Variants in ELK3 observed in about 807,000 individuals in gnomAD.
ELK3 encodes the protein ETS domain-containing protein Elk-3.
ELK3 carries 10 observed loss-of-function variants against 28.9 expected under a neutral mutation model. That is an observed-to-expected ratio of 0.35 (90% CI 0.21 to 0.59). ELK3 has a LOEUF of 0.59. Among genes scored for constraint, ELK3 ranks in the 20% least tolerant of loss-of-function variants. ELK3 has a pLI of 0.82. For synonymous variants in ELK3, 272 were observed against 243.5 expected (o/e 1.12, Z -1.09); for missense variants, 463 against 517.3 (o/e 0.90, Z 1.02).
chr12:96,217,474 GTTC>G (rs1240507264), intron 1 of ELK3, among the ~76,000 whole-genome samples: 3 of 152,216 alleles, frequency 2.0e-5, no homozygotes, highest in East Asian at 1.9e-4. Flanking sequence ...TTATTTCAAT[GTTC>G]TTCTTCTATA....
chr12:96,205,234 G>A (rs1323944460), intron 1 of ELK3, among the ~76,000 whole-genome samples: 1 of 152,186 alleles, frequency 6.6e-6, no homozygotes. Context: ...AGAAAGCATA[G>A]ATTCCTGATC....
rs574402556 is a variant in ELK3, at chr12:96,248,401, T to G, written c.1002+667T>G. 3.9e-5 allele frequency among the ~76,000 whole-genome samples: 6 copies of G among 152,382 alleles called. No individual in the cohort carries two copies. The South Asian group carries it at 1.2e-3, about 32-fold the overall frequency. ...CTTTAAATCAGATATTCAGATGCTC[T>G]TTCTTGTCCAGCTGACAATTGCAGT... On this transcript the variant is annotated intron_variant, in intron 3 of 4. Coordinates refer to ENST00000228741, the MANE Select transcript of ELK3 (RefSeq NM_005230.4).
At chr12:96,213,140 G>A in intron 1 of ELK3, among the ~76,000 whole-genome samples, 1 of 152,194 alleles carries the variant, frequency 6.6e-6, no homozygotes, top group East Asian at 1.9e-4. Flanking sequence ...TAGAAACCTT[G>A]TTGAAGGTTT....
intron 3 of ELK3, among the ~76,000 whole-genome samples, chr12:96,259,304 C>T (rs1277102676): frequency 1.3e-5 from 2 of 152,186 alleles, no homozygotes; most frequent in Non-Finnish European, 2.9e-5. Flanking sequence ...GTAATCCCAG[C>T]ACTTTGGGAG....
intron 2 of ELK3, among the ~76,000 whole-genome samples, chr12:96,224,998 A>C (rs1295062563): frequency 6.6e-6 from 1 of 152,214 alleles, no homozygotes; most frequent in Non-Finnish European, 1.5e-5. Flanking sequence ...GTGTCATTGA[A>C]ATGCTAAAGG....
At chr12:96,237,611 G>C (rs191901450) in intron 2 of ELK3, among the ~76,000 whole-genome samples, 1 of 152,214 alleles carries the variant, frequency 6.6e-6, no homozygotes, top group Non-Finnish European at 1.5e-5. Context: ...CCATAGGAGA[G>C]TGTGTATTCA....
intron 3 of ELK3, among the ~76,000 whole-genome samples, chr12:96,259,326 C>T (rs929599200): frequency 6.6e-6 from 1 of 151,972 alleles, no homozygotes; most frequent in Non-Finnish European, 1.5e-5. Context: ...CTGAGGTGGG[C>T]AGATCACTTG....
chr12:96,247,115 C>T lies in ELK3; in HGVS notation c.383C>T (p.Ala128Val), dbSNP rs1063998. ...GAGGCCCACAAACACGGCCTGGCCG[C>T]CCTCAGAAGCACGAGCCGCAACGAA... is the stretch of plus-strand genomic sequence containing the variant. ...GREAHKHGLA[A>V]LRSTSRNEYI... Residue 128 changes from alanine (A) to valine (V), a missense_variant, in exon 3 of 5, where the codon GCC becomes GTC. Ala to Val is a moderately conservative substitution (Grantham distance 64). Around this residue, in one of 2 missense-constraint regions of ELK3, gnomAD observed 408 missense variants for 414.8 expected, o/e 0.98. Coordinates refer to ENST00000228741, the MANE Select transcript of ELK3 (RefSeq NM_005230.4). This position sits in a 1 kb window ranked among gnomAD's most constrained non-coding sequence, Gnocchi z 5.5. 1 of 1,613,454 alleles carries T rather than the reference C, an allele frequency of 6.2e-7. No homozygotes were observed. The highest frequency in any genetic ancestry group is 2.2e-5 in the East Asian group (1 of 44,852).
At chr12:96,235,207 C>T (rs1249658180) in intron 2 of ELK3, among the ~76,000 whole-genome samples, 1 of 145,316 alleles carries the variant, frequency 6.9e-6, no homozygotes, top group Non-Finnish European at 1.5e-5. Context: ...CCCACAGCCG[C>T]CCCCCACCCC....
At chr12:96,232,256 T>A (rs1001095524) in intron 2 of ELK3, among the ~76,000 whole-genome samples, 22 of 152,228 alleles carry the variant, frequency 1.4e-4, no homozygotes, top group South Asian at 1.2e-3. Context: ...GGGTTGGAAC[T>A]CTGTGGTGAG....
intron 2 of ELK3, among the ~76,000 whole-genome samples, chr12:96,226,962 T>G (rs963923110): frequency 5.9e-5 from 9 of 152,224 alleles, no homozygotes; most frequent in Non-Finnish European, 1.2e-4. Context: ...GATGACCTCT[T>G]TCTTCCTTCC....
At chr12:96,219,346 G>T (rs1951646793) in intron 1 of ELK3, among the ~76,000 whole-genome samples, 1 of 152,070 alleles carries the variant, frequency 6.6e-6, no homozygotes, top group East Asian at 1.9e-4. Flanking sequence ...TACTCATATA[G>T]ATGAGTTTAC....
Position 96,223,770 on chromosome 12 carries a change from C to A in ELK3, c.204C>A (p.Asp68Glu). 6.2e-7 allele frequency: 1 copy of A among 1,614,020 alleles called. No homozygotes were observed. The highest frequency in any genetic ancestry group is 8.5e-7 in the Non-Finnish European group (1 of 1,180,014). Reference sequence around the variant, plus strand: ...GCAGAGCCCTGCGATACTATTATGACAAGGTAAACCCTTGACCTTGCATGG... The same window carrying A: ...GCAGAGCCCTGCGATACTATTATGAAAAGGTAAACCCTTGACCTTGCATGG... ...KLSRALRYYY[D>E]KNIIKKVIGQ... The change falls in exon 2 of 5, where the codon GAC becomes GAA. Residue 68 changes from aspartate (D) to glutamate (E), a missense_variant. By Grantham distance (45) the Asp-to-Glu change is conservative. Around this residue, in one of 2 missense-constraint regions of ELK3, gnomAD observed 55 missense variants for 102.5 expected, o/e 0.54. Transcript: ENST00000228741.
In ELK3 at chr12:96,259,853, G is replaced by C. The variant is rs1337537555; in HGVS notation, c.1125G>C (p.Gln375His). The change falls in exon 4 of 5, where the codon CAG (glutamine) becomes CAC (histidine). Residue 375 changes from glutamine to histidine, a missense_variant and splice_region_variant. Gln to His is a conservative substitution (Grantham distance 24). Coordinates refer to ENST00000228741, the MANE Select transcript of ELK3 (RefSeq NM_005230.4). ...TGCAAGGGCCAAGCACGCTGTTCCA[G>C]GTGAGCGTTTGGAAATGAACTTTTG... ...ARLQGPSTLF[Q>H]FPTLLNGHMP... is the part of the protein sequence containing the mutation. 6.3e-7 allele frequency: 1 copy of C among 1,592,946 alleles called. No individual in the cohort carries two copies. The highest frequency in any genetic ancestry group is 8.5e-7 in the Non-Finnish European group (1 of 1,171,718).
chr12:96,257,004 C>T (rs1951954907), intron 3 of ELK3, among the ~76,000 whole-genome samples: 2 of 152,238 alleles, frequency 1.3e-5, no homozygotes, highest in Non-Finnish European at 2.9e-5. Flanking sequence ...AAATGCATTG[C>T]CTGTGGCATC....
In ELK3 at chr12:96,267,300, T is replaced by C. The variant is rs536196190; in HGVS notation, c.*120T>C. 3.9e-6 allele frequency: 3 copies of C among 761,356 alleles called. No individual in the cohort carries two copies. Among genetic ancestry groups the C allele is most frequent in the South Asian group, 2.0e-5 (1 of 50,888 alleles). The allele number at this position is 761,356 out of a possible 1,614,324, so 47.2% of individuals were successfully genotyped here. ...CTCTTGTTAATTTGGTTTGCACTTTTCATAACATGGATAGTCTAGATTTAT... is the reference window on the plus strand; with the variant it reads ...CTCTTGTTAATTTGGTTTGCACTTTCCATAACATGGATAGTCTAGATTTAT... On this transcript the variant is annotated 3_prime_UTR_variant, in exon 5 of 5. Coordinates refer to ENST00000228741, the MANE Select transcript of ELK3 (RefSeq NM_005230.4).
At chr12:96,220,619 T>G (rs1951655678) in intron 1 of ELK3, among the ~76,000 whole-genome samples, 1 of 152,056 alleles carries the variant, frequency 6.6e-6, no homozygotes, top group African/African-American at 2.4e-5. Flanking sequence ...GAACTCCTCC[T>G]GACCTCAGGT....
intron 2 of ELK3, among the ~76,000 whole-genome samples, chr12:96,234,599 A>G (rs1326054760): frequency 6.6e-6 from 1 of 152,142 alleles, no homozygotes; most frequent in Non-Finnish European, 1.5e-5. Context: ...TTTGTAACAT[A>G]AAAAAGAGAT....
Position 96,267,559 on chromosome 12 carries a change from T to G in ELK3, c.*379T>G, listed in dbSNP as rs1952045698. ...GTGTGCTTATATAGACTATAACCAG[T>G]TGTGCCTTCCTTCGCATTTAATGTA... is the stretch of plus-strand genomic sequence containing the variant. On this transcript the variant is annotated 3_prime_UTR_variant, in exon 5 of 5. Coordinates refer to ENST00000228741, the MANE Select transcript of ELK3 (RefSeq NM_005230.4). The G allele has an allele frequency of 6.5e-6, 1 of 154,890 alleles. No individual in the cohort carries two copies. The highest frequency in any genetic ancestry group is 6.4e-5 in the Admixed American group (1 of 15,520). The allele number at this position is 154,890 out of a possible 1,614,324, so 9.6% of individuals were successfully genotyped here.
Sources: gnomAD v4.1 joint callset for allele counts (sites outside exome capture counted in the v4.1 genomes callset) on GRCh38, gnomAD v4.1.1 for gene constraint, gnomAD v4.1.1 regional missense constraint, Gnocchi (gnomAD v3.1) non-coding constraint, MANE v1.5 for transcripts, NCBI Gene and HGNC (gene_info 2026-07-23, HGNC 2026-07-21) for gene names.